SRGAP1: variants seen among roughly 807,000 people sequenced by gnomAD.
SRGAP1 encodes the protein SLIT-ROBO Rho GTPase-activating protein 1.
In SRGAP1, 43 loss-of-function variants were observed where a neutral mutation model predicts 121.9. That is an observed-to-expected ratio of 0.35 (90% confidence interval 0.28 to 0.46). The LOEUF (loss-of-function observed/expected upper bound fraction) is 0.46, where lower values mean the gene tolerates loss of function less well. Among genes scored for constraint, SRGAP1 ranks in the 20% least tolerant of loss-of-function variants. The probability of loss-of-function intolerance (pLI) is 1.00; values close to 1 mark genes in which losing one functional copy is unlikely to be tolerated. For missense variants in SRGAP1, 1,102 were observed against 1,350.9 expected (o/e 0.82, Z 2.89); for synonymous variants, 447 against 485.4 (o/e 0.92, Z 1.04).
chr12:64,090,568 G>A (rs1024167601), intron 11 of SRGAP1, among the ~76,000 whole-genome samples: 1 of 152,224 alleles, frequency 6.6e-6, no homozygotes, highest in African/African-American at 2.4e-5. Context: ...GGCTGAGTGA[G>A]GTGGCTCACG....
chr12:63,909,591 G>GT (rs1201373257), intron 1 of SRGAP1, among the ~76,000 whole-genome samples: 1 of 152,168 alleles, frequency 6.6e-6, no homozygotes, highest in African/African-American at 2.4e-5. Flanking sequence ...CGTCTTTTTT[G>GT]TACATGGCTC....
At chr12:64,000,279 A>AGTGTGT (rs1161739912) in intron 3 of SRGAP1, among the ~76,000 whole-genome samples, 57 of 107,076 alleles carry the variant, frequency 5.3e-4, no homozygotes, top group Non-Finnish European at 9.5e-4. Flanking sequence ...TGTGTGTAAA[A>AGTGTGT]AAAAAAAACC....
chr12:64,065,201 C>A lies in SRGAP1; in HGVS notation c.1107C>A (p.Leu369=). The part of the protein sequence containing the change: ...YQQLQSRLAT[L]KIENEEVKKT... ...AGTTGCAGTCCCGCCTTGCCACGCT[C>A]AAAATCGAGAATGAAGAGGTGAGCA... The change falls in exon 8 of 22, where the codon CTC becomes CTA. Residue 369 remains leucine (L), a synonymous_variant. Transcript: ENST00000355086. 6.2e-7 allele frequency: 1 copy of A among 1,613,112 alleles called. No individual in the cohort carries two copies. The highest frequency in any genetic ancestry group is 1.1e-5 in the South Asian group (1 of 90,878).
intron 2 of SRGAP1, among the ~76,000 whole-genome samples, chr12:63,989,326 T>A (rs148312048): frequency 6.6e-6 from 1 of 152,324 alleles, no homozygotes; most frequent in Non-Finnish European, 1.5e-5. Flanking sequence ...GCCAGCAAAC[T>A]TCATGGTTCT....
rs2037207334 is a variant in SRGAP1, at chr12:64,161,202, C to CT, written c.*18533dup. The CT allele has an allele frequency of 6.6e-6, 1 of 152,138 alleles. No homozygotes were observed. Among genetic ancestry groups the CT allele is most frequent in the Non-Finnish European group, 1.5e-5 (1 of 68,012 alleles). 9.4% of individuals were successfully genotyped at this position (152,138 alleles called of 1,614,324 possible). Reference sequence around the variant, plus strand: ...ATTCTCAAAATCTTCCACAGAAATGCTTTCAAACTCAATGCATTAAAAACA... The same window carrying CT: ...ATTCTCAAAATCTTCCACAGAAATGCTTTTCAAACTCAATGCATTAAAAACA... On this transcript the variant is annotated 3_prime_UTR_variant, in exon 22 of 22. Transcript: ENST00000355086.
chr12:64,080,637 G>A (rs2035820716), intron 10 of SRGAP1: 2 of 511,322 alleles, frequency 3.9e-6, no homozygotes, highest in Non-Finnish European at 7.1e-6. Flanking sequence ...TCTTCAGAGT[G>A]TGGTGCTCCT....
intron 1 of SRGAP1, among the ~76,000 whole-genome samples, chr12:63,859,713 C>T (rs1266353713): frequency 6.6e-6 from 1 of 152,052 alleles, no homozygotes; most frequent in African/African-American, 2.4e-5. Flanking sequence ...TAAAATGTAA[C>T]ACTTCTAACA....
At chr12:63,868,258 T>C (rs1168865040) in intron 1 of SRGAP1, among the ~76,000 whole-genome samples, 1 of 151,288 alleles carries the variant, frequency 6.6e-6, no homozygotes, top group Non-Finnish European at 1.5e-5. Flanking sequence ...ATTTTTTGTA[T>C]TTTTAGTAGA....
intron 1 of SRGAP1, among the ~76,000 whole-genome samples, chr12:63,901,986 A>G (rs1592930461): frequency 6.6e-6 from 1 of 152,074 alleles, no homozygotes; most frequent in East Asian, 1.9e-4. Context: ...CCTTGTTTGG[A>G]CTTTATAGTA....
At chr12:63,869,380 C>T (rs1019533495) in intron 1 of SRGAP1, among the ~76,000 whole-genome samples, 5 of 152,174 alleles carry the variant, frequency 3.3e-5, no homozygotes, top group African/African-American at 7.2e-5. Flanking sequence ...TCTTGAAAGT[C>T]CCACCTCCCG....
chr12:64,025,822 C>T (rs2034641839), intron 4 of SRGAP1, among the ~76,000 whole-genome samples: 1 of 152,180 alleles, frequency 6.6e-6, no homozygotes, highest in South Asian at 2.1e-4. Context: ...CCTTGACGCA[C>T]ACTGACTTTG....
chr12:64,048,286 C>T (rs1044560020), intron 6 of SRGAP1, among the ~76,000 whole-genome samples: 8 of 152,080 alleles, frequency 5.3e-5, no homozygotes, highest in Non-Finnish European at 7.4e-5. Context: ...TAATACTTAA[C>T]ATATTGTCCT....
intron 1 of SRGAP1, among the ~76,000 whole-genome samples, chr12:63,907,069 C>T (rs1318889378): frequency 6.6e-6 from 1 of 152,146 alleles, no homozygotes; most frequent in Admixed American, 6.6e-5. Flanking sequence ...CTCACCACTA[C>T]TTGTTATTAT....
chr12:64,142,390 C>A lies in SRGAP1; in HGVS notation c.2976C>A (p.Thr992=). The change falls in exon 22 of 22, where the codon ACC becomes ACA. Residue 992 remains threonine, a synonymous_variant. Coordinates refer to ENST00000355086, the MANE Select transcript of SRGAP1 (RefSeq NM_020762.4). ...AKHAPDVVLD[T]LEQVKNSPTP... Reference sequence around the variant, plus strand: ...ATGCCCCTGATGTGGTGCTGGATACCCTGGAGCAAGTGAAAAACTCTCCCA... The same window carrying A: ...ATGCCCCTGATGTGGTGCTGGATACACTGGAGCAAGTGAAAAACTCTCCCA... 6.2e-7 allele frequency: 1 copy of A among 1,613,998 alleles called. No individual in the cohort carries two copies.
chr12:63,956,700 TTGA>T (rs1314179669), intron 1 of SRGAP1, among the ~76,000 whole-genome samples: 2 of 151,466 alleles, frequency 1.3e-5, no homozygotes, highest in African/African-American at 4.9e-5. Context: ...TGTTTGCTTG[TTGA>T]TGATCAGTAA....
intron 8 of SRGAP1, among the ~76,000 whole-genome samples, chr12:64,067,515 A>T (rs2035561822): frequency 6.6e-6 from 1 of 152,204 alleles, no homozygotes; most frequent in Admixed American, 6.5e-5. Flanking sequence ...AATGAATTGG[A>T]TTATCCTAAT....
intron 1 of SRGAP1, among the ~76,000 whole-genome samples, chr12:63,893,920 C>A (rs1008578397): frequency 1.3e-5 from 2 of 152,244 alleles, no homozygotes; most frequent in Non-Finnish European, 2.9e-5. Flanking sequence ...CTCACTGCAA[C>A]CTCCGTCTCC....
chr12:64,025,274 G>A (rs972384543), intron 4 of SRGAP1, among the ~76,000 whole-genome samples: 1 of 151,988 alleles, frequency 6.6e-6, no homozygotes, highest in East Asian at 1.9e-4. Context: ...GGCTGGTTTT[G>A]TGAGCCTCCC....
intron 3 of SRGAP1, among the ~76,000 whole-genome samples, chr12:64,016,290 A>G (rs967893442): frequency 1.3e-5 from 2 of 152,056 alleles, no homozygotes; most frequent in Non-Finnish European, 2.9e-5. Flanking sequence ...TATAAAAACT[A>G]GTTGAGCTTG....
Sources: gnomAD v4.1 joint callset for allele counts (sites outside exome capture counted in the v4.1 genomes callset) on GRCh38, gnomAD v4.1.1 for gene constraint, MANE v1.5 for transcripts, NCBI Gene and HGNC (gene_info 2026-07-23, HGNC 2026-07-21) for gene names.